The following ANKS1B variants were observed in gnomAD, a reference collection of about 807,000 sequenced individuals.
ANKS1B encodes ankyrin repeat and sterile alpha motif domain-containing protein 1B.
Under a neutral mutation model 148.3 loss-of-function variants are expected in ANKS1B, and 36 were observed. The observed-to-expected ratio is 0.24, with a 90% CI of 0.19 to 0.32. ANKS1B has a LOEUF of 0.32. ANKS1B is among the 10% of genes least tolerant of loss of function. The pLI is 1.00. For synonymous variants in ANKS1B, 542 were observed against 560.8 expected, an observed-to-expected ratio of 0.97 and a Z score of 0.47; for missense variants, 1,157 against 1,542.6, an observed-to-expected ratio of 0.75 and a Z score of 4.19.
rs577010438 is a variant in ANKS1B at position 98,850,633 on chromosome 12, A to G, written c.2779-18497T>C. ...CTGGCACACGCCGCCACGCTCAGCT[A>G]ATTTTTTGTATTTTTAGTAGAGGCA... On this transcript the variant is annotated intron_variant, in intron 17 of 26. Transcript: ENST00000683438. 2.6e-5 allele frequency among the ~76,000 whole-genome samples: 4 copies of G among 151,866 alleles called. No individual in the cohort carries two copies. The South Asian group carries it at 8.3e-4, about 32-fold the overall frequency.
intron 17 of ANKS1B, among the ~76,000 whole-genome samples, chr12:98,897,857 T>G (rs1006163159): frequency 6.6e-6 from 1 of 152,180 alleles, no homozygotes; most frequent in Non-Finnish European, 1.5e-5. Context: ...AATGTAAATA[T>G]ACACCATGGG....
At chr12:99,738,612 T>C (rs1455745722) in intron 8 of ANKS1B, among the ~76,000 whole-genome samples, 1 of 152,136 alleles carries the variant, frequency 6.6e-6, no homozygotes, top group Non-Finnish European at 1.5e-5. Context: ...CTTCCTAATA[T>C]TCCAATTAAA....
At chr12:99,398,584 G>T (rs1402715676) in intron 12 of ANKS1B, among the ~76,000 whole-genome samples, 3 of 152,146 alleles carry the variant, frequency 2.0e-5, no homozygotes, top group Non-Finnish European at 4.4e-5. Flanking sequence ...CAGTTGAGAG[G>T]TCAAGGGGAG....
At chr12:98,819,202 T>C (rs2153656855) in intron 19 of ANKS1B, among the ~76,000 whole-genome samples, 1 of 152,328 alleles carries the variant, frequency 6.6e-6, no homozygotes, top group Non-Finnish European at 1.5e-5. Context: ...CTGCTTTATC[T>C]GGAAAAGGAT....
chr12:99,432,382 T>G (rs2095389998), intron 11 of ANKS1B, among the ~76,000 whole-genome samples: 1 of 152,132 alleles, frequency 6.6e-6, no homozygotes, highest in South Asian at 2.1e-4. Context: ...CTTAATTAAT[T>G]CAGGTGGTAC....
intron 17 of ANKS1B, among the ~76,000 whole-genome samples, chr12:98,947,137 G>C (rs1217018823): frequency 6.6e-6 from 1 of 152,104 alleles, no homozygotes; most frequent in Admixed American, 6.5e-5. Flanking sequence ...GGGGTTAACA[G>C]GGAGCCCTGT....
intron 9 of ANKS1B, among the ~76,000 whole-genome samples, chr12:99,553,142 A>G (rs575988746): frequency 1.2e-4 from 19 of 152,034 alleles, no homozygotes; most frequent in African/African-American, 3.6e-4. Flanking sequence ...TGGAGCTTCA[A>G]TGTAAAATAA....
chr12:99,244,421 G>T lies in ANKS1B; in HGVS notation c.2347-7C>A. 1 of 1,581,666 alleles carries T rather than the reference G, an allele frequency of 6.3e-7. No homozygotes were observed. The highest frequency in any genetic ancestry group is 2.3e-5 in the East Asian group (1 of 44,368). The stretch of plus-strand genomic sequence containing the variant: ...AACTCATTATTTTGTCAATCTGTAA[G>T]AAACAAAAACCATTTAAATGGATTG... On this transcript the variant is annotated splice_region_variant and splice_polypyrimidine_tract_variant and intron_variant, in intron 13 of 26. Transcript: ENST00000683438.
At chr12:99,875,243 T>C (rs1603421915) in intron 1 of ANKS1B, among the ~76,000 whole-genome samples, 1 of 152,304 alleles carries the variant, frequency 6.6e-6, no homozygotes, top group East Asian at 1.9e-4. Context: ...GTTAAACATT[T>C]AAATTGCATT....
At chr12:99,881,699 G>C (rs1465589123) in intron 1 of ANKS1B, among the ~76,000 whole-genome samples, 1 of 152,180 alleles carries the variant, frequency 6.6e-6, no homozygotes. Context: ...AAATATGTGG[G>C]ACAGAGCAAA....
intron 14 of ANKS1B, among the ~76,000 whole-genome samples, chr12:99,239,450 C>T (rs2088777688): frequency 6.6e-6 from 1 of 152,128 alleles, no homozygotes; most frequent in Non-Finnish European, 1.5e-5. Flanking sequence ...GATTGGTGTA[C>T]CAGAAAGTGA....
Position 99,955,513 on chromosome 12 carries a change from A to C in ANKS1B, c.134+28591T>G, listed in dbSNP as rs939731891. On this transcript the variant is annotated intron_variant, in intron 1 of 26. Transcript: ENST00000683438. Reference sequence around the variant, plus strand: ...GTCTCAAAAAAAAAAAAAAAAAAAAAAAAAAAAAAAAAAAAGGCCTTCTCC... The same window carrying C: ...GTCTCAAAAAAAAAAAAAAAAAAAACAAAAAAAAAAAAAAAGGCCTTCTCC... Among the ~76,000 whole-genome samples the C allele has an allele frequency of 1.6e-3, 230 of 148,282 alleles. 3 individuals are homozygous for C. The highest frequency in any genetic ancestry group is 5.4e-3 in the African/African-American group (215 of 39,970).
At chr12:99,580,344 A>C (rs1430945412) in intron 9 of ANKS1B, among the ~76,000 whole-genome samples, 1 of 152,170 alleles carries the variant, frequency 6.6e-6, no homozygotes, top group Non-Finnish European at 1.5e-5. Flanking sequence ...CCTGAACCTA[A>C]AAGTTGAAAG....
intron 10 of ANKS1B, among the ~76,000 whole-genome samples, chr12:99,447,496 T>C (rs2095654497): frequency 1.3e-5 from 2 of 151,944 alleles, no homozygotes; most frequent in Admixed American, 1.3e-4. Context: ...ATTGAAGTGG[T>C]AAAACTATTA....
At chr12:99,797,234 TA>T (rs907994855) in intron 4 of ANKS1B, among the ~76,000 whole-genome samples, 4 of 151,522 alleles carry the variant, frequency 2.6e-5, no homozygotes, top group African/African-American at 9.7e-5. Flanking sequence ...AAGTAAGATT[TA>T]AAAAAAAATC....
At chr12:99,654,069 C>T (rs2098438562) in intron 9 of ANKS1B, among the ~76,000 whole-genome samples, 1 of 152,206 alleles carries the variant, frequency 6.6e-6, no homozygotes, top group South Asian at 2.1e-4. Flanking sequence ...GTATTTACAA[C>T]AATTCTGTAA....
At chr12:99,728,112 C>T (rs969218507) in intron 8 of ANKS1B, among the ~76,000 whole-genome samples, 12 of 152,086 alleles carry the variant, frequency 7.9e-5, no homozygotes, top group Non-Finnish European at 2.9e-5. Context: ...GCAATTCCAA[C>T]AAAAGCCAAA....
At chr12:99,117,142 G>A (rs1173268291) in intron 15 of ANKS1B, among the ~76,000 whole-genome samples, 1 of 152,184 alleles carries the variant, frequency 6.6e-6, no homozygotes, top group South Asian at 2.1e-4. Flanking sequence ...CATGTCATCT[G>A]CAAACAGACA....
At chr12:99,419,075 T>A (rs2095002650) in intron 11 of ANKS1B, among the ~76,000 whole-genome samples, 1 of 152,186 alleles carries the variant, frequency 6.6e-6, no homozygotes, top group South Asian at 2.1e-4. Flanking sequence ...ATGAGGAATA[T>A]TGCTCTGGGG....
Sources: gnomAD v4.1 joint callset for allele counts (sites outside exome capture counted in the v4.1 genomes callset) on GRCh38, gnomAD v4.1.1 for gene constraint, MANE v1.5 for transcripts, NCBI Gene and HGNC (gene_info 2026-07-23, HGNC 2026-07-21) for gene names.